DNAH11: variants seen among roughly 807,000 people sequenced by gnomAD.
The protein encoded by DNAH11 is axonemal beta dynein heavy chain 11.
In DNAH11, 442 loss-of-function variants were observed where a neutral mutation model predicts 526.0. The observed-to-expected ratio is 0.84, with a 90% CI of 0.78 to 0.91. The LOEUF (loss-of-function observed/expected upper bound fraction) is 0.91, where lower values mean the gene tolerates loss of function less well. Ranked by LOEUF, DNAH11 falls within the 40% of genes least tolerant of loss-of-function variation. DNAH11 has a pLI of 0.00. For synonymous variants in DNAH11, 2,461 were observed against 1,935.9 expected, an observed-to-expected ratio of 1.27 and a Z score of -7.12; for missense variants, 6,989 against 5,448.7, an observed-to-expected ratio of 1.28 and a Z score of -8.90.
At chr7:21,703,093 T>C (rs999247708) in intron 37 of DNAH11, among the ~76,000 whole-genome samples, 1 of 152,242 alleles carries the variant, frequency 6.6e-6, no homozygotes, top group Admixed American at 6.5e-5. Flanking sequence ...ACTGTTTGAT[T>C]TCCTCTGAGG....
chr7:21,549,193 A>G lies in DNAH11; in HGVS notation c.495+4044A>G, dbSNP rs140025323. Among the ~76,000 whole-genome samples the G allele has an allele frequency of 4.7e-3, 710 of 152,278 alleles. 6 individuals are homozygous for G. The highest frequency in any genetic ancestry group is 0.016 in the African/African-American group (668 of 41,566). ...CGTACCTGGCCAATGACAGACTTTT[A>G]TAAGTCTTATTTCCCCATGCATCCT... On this transcript the variant is annotated intron_variant, in intron 2 of 81. Transcript: ENST00000409508.
chr7:21,778,112 T>C (rs966006991), intron 56 of DNAH11, among the ~76,000 whole-genome samples: 10 of 152,306 alleles, frequency 6.6e-5, no homozygotes, highest in Admixed American at 3.9e-4. Context: ...ACCTCACTTC[T>C]GCTTTTAGTT....
intron 76 of DNAH11, among the ~76,000 whole-genome samples, chr7:21,888,758 G>T (rs1208195402): frequency 3.3e-5 from 5 of 152,042 alleles, no homozygotes; most frequent in Non-Finnish European, 5.9e-5. Context: ...AAAGTGCTGG[G>T]ATTACAGGCA....
chr7:21,559,716 G>A lies in DNAH11; in HGVS notation c.806G>A (p.Gly269Asp). ...GATTCAGTGCAGCGTTTGTTGAATG[G>A]TCTTCACTTGTCTCCTCAAGCAGAA... The part of the protein sequence containing the change: ...ERDSVQRLLN[G>D]LHLSPQAELD... Residue 269 changes from glycine (G) to aspartate (D), a missense_variant, in exon 4 of 82, where the codon GGT becomes GAT. Gly to Asp is a moderately conservative substitution (Grantham distance 94). Coordinates refer to ENST00000409508, the MANE Select transcript of DNAH11 (RefSeq NM_001277115.2). 1.9e-6 allele frequency: 3 copies of A among 1,609,586 alleles called. No individual in the cohort carries two copies. Among genetic ancestry groups the A allele is most frequent in the Non-Finnish European group, 2.5e-6 (3 of 1,177,786 alleles).
intron 30 of DNAH11, among the ~76,000 whole-genome samples, chr7:21,662,110 G>C (rs1296588298): frequency 6.6e-6 from 1 of 152,114 alleles, no homozygotes. Context: ...ATGAGCCACT[G>C]TGCCTGGCCA....
intron 54 of DNAH11, among the ~76,000 whole-genome samples, chr7:21,759,357 G>A (rs1238832922): frequency 3.3e-5 from 5 of 152,118 alleles, no homozygotes; most frequent in Non-Finnish European, 7.4e-5. Context: ...TATCTAAAAG[G>A]GAAATAAATA....
chr7:21,645,343 G>A (rs1346942254), intron 28 of DNAH11, among the ~76,000 whole-genome samples: 1 of 152,174 alleles, frequency 6.6e-6, no homozygotes, highest in Non-Finnish European at 1.5e-5. Context: ...AACTAGAAAA[G>A]CTGGATAAAA....
At chr7:21,829,700 G>C (rs1327758154) in intron 65 of DNAH11, among the ~76,000 whole-genome samples, 3 of 152,270 alleles carry the variant, frequency 2.0e-5, no homozygotes, top group East Asian at 3.9e-4. Context: ...ACTAAATCTT[G>C]AGAACGTTTC....
intron 65 of DNAH11, among the ~76,000 whole-genome samples, chr7:21,832,410 C>T (rs1431949746): frequency 6.6e-6 from 1 of 152,186 alleles, no homozygotes; most frequent in Non-Finnish European, 1.5e-5. Context: ...GATTTTATTT[C>T]TCCTTCGCTT....
Position 21,570,138 on chromosome 7 carries a change from G to C in DNAH11, c.1264G>C (p.Val422Leu), listed in dbSNP as rs773158013. 15 of 1,613,282 alleles carry C rather than the reference G, an allele frequency of 9.3e-6. No individual in the cohort carries two copies. Among genetic ancestry groups the C allele is most frequent in the Non-Finnish European group, 1.3e-5 (15 of 1,179,650 alleles). Reference protein sequence around the residue: ...EIEESLEKVQVAVNILKTFKN... With the variant: ...EIEESLEKVQLAVNILKTFKN... ...AGAAGAGTCACTGGAAAAGGTGCAG[G>C]TGGCTGTTAACATCTTAAAGACTTT... Residue 422 changes from valine (V) to leucine (L), a missense_variant, in exon 7 of 82, where the codon GTG becomes CTG. Transcript: ENST00000409508.
Position 21,564,352 on chromosome 7 carries a change from G to C in DNAH11, c.1149G>C (p.Arg383=). ...CCAAGTTTTATAACACCCCAGCTCG[G>C]GTTATAGTTTTATTGCAAGAGTTTT... The part of the protein sequence containing the change: ...SHSKFYNTPA[R]VIVLLQEFCN... Residue 383 remains arginine, a synonymous_variant, in exon 6 of 82, where the codon CGG becomes CGC. Transcript: ENST00000409508. The C allele has an allele frequency of 6.2e-7, 1 of 1,613,248 alleles. No homozygotes were observed. The highest frequency in any genetic ancestry group is 2.2e-5 in the East Asian group (1 of 44,860).
chr7:21,726,588 G>A (rs994304960), intron 45 of DNAH11, among the ~76,000 whole-genome samples: 10 of 151,878 alleles, frequency 6.6e-5, no homozygotes, highest in South Asian at 2.1e-4. Context: ...ATGGCCAGGC[G>A]CGGTGGTTCA....
intron 45 of DNAH11, among the ~76,000 whole-genome samples, chr7:21,726,792 C>T (rs1378882667): frequency 6.4e-5 from 7 of 109,442 alleles, no homozygotes; most frequent in East Asian, 3.0e-4. Flanking sequence ...ACCTGGGAGG[C>T]GGAGGTCGCG....
At chr7:21,553,411 A>G (rs1027024685) in intron 2 of DNAH11, among the ~76,000 whole-genome samples, 12 of 151,996 alleles carry the variant, frequency 7.9e-5, no homozygotes, top group African/African-American at 2.4e-4. Context: ...GACACTATCA[A>G]TTTTTCCTTA....
chr7:21,706,536 A>T (rs982420657), intron 39 of DNAH11, among the ~76,000 whole-genome samples: 3 of 152,176 alleles, frequency 2.0e-5, no homozygotes, highest in African/African-American at 4.8e-5. Flanking sequence ...ATAGACCTGT[A>T]ATTATTTTGT....
chr7:21,766,393 A>T (rs947541597), intron 55 of DNAH11, among the ~76,000 whole-genome samples: 5 of 152,172 alleles, frequency 3.3e-5, no homozygotes, highest in Non-Finnish European at 7.4e-5. Context: ...TTCTCATTCC[A>T]TTGAGTGATA....
intron 7 of DNAH11, 134 bp from the exon 8 acceptor site, chr7:21,571,671 GA>G (rs1384688832): frequency 1.5e-6 from 1 of 646,874 alleles, no homozygotes; most frequent in Non-Finnish European, 2.4e-6. Flanking sequence ...TTTCTGTCAT[GA>G]AAATATTTAT....
chr7:21,724,103 A>G (rs1272049239), intron 44 of DNAH11, among the ~76,000 whole-genome samples: 1 of 152,226 alleles, frequency 6.6e-6, no homozygotes, highest in Non-Finnish European at 1.5e-5. Context: ...TTTGTCACCA[A>G]AATCATTTTG....
In DNAH11 at chr7:21,681,583, G is replaced by T. The variant is rs371790332; in HGVS notation, c.5366G>T (p.Gly1789Val). Reference protein sequence around the residue: ...QLNTLITLLLGELPPGDRQKI... With the variant: ...QLNTLITLLLVELPPGDRQKI... ...AATACACTGATTACACTTTTGCTGG[G>T]AGAACTTCCACCTGGAGACAGACAG... is the stretch of plus-strand genomic sequence containing the variant. The change falls in exon 31 of 82, where the codon GGA becomes GTA. Residue 1789 changes from glycine (G) to valine (V), a missense_variant. Coordinates refer to ENST00000409508, the MANE Select transcript of DNAH11 (RefSeq NM_001277115.2). 32 of 1,613,658 alleles carry T rather than the reference G, an allele frequency of 2.0e-5. No individual in the cohort carries two copies. The highest frequency in any genetic ancestry group is 2.5e-5 in the Non-Finnish European group (30 of 1,179,790).
Sources: gnomAD v4.1 joint callset for allele counts (sites outside exome capture counted in the v4.1 genomes callset) on GRCh38, gnomAD v4.1.1 for gene constraint, MANE v1.5 for transcripts, NCBI Gene and HGNC (gene_info 2026-07-23, HGNC 2026-07-21) for gene names.